Variants in MRTFA observed in about 807,000 individuals in gnomAD.
The protein encoded by MRTFA is myocardin-related transcription factor A.
MRTFA carries 20 observed loss-of-function variants against 83.5 expected under a neutral mutation model. The ratio of observed to expected loss-of-function variants is 0.24; its 90% CI spans 0.17 to 0.35. The LOEUF is 0.35. Ranked by LOEUF, MRTFA falls within the 10% of genes least tolerant of loss-of-function variation. The probability of loss-of-function intolerance (pLI) is 1.00; values close to 1 mark genes in which losing one functional copy is unlikely to be tolerated. For synonymous variants in MRTFA, 659 were observed against 541.2 expected (o/e 1.22, Z -3.02); for missense variants, 1,200 against 1,224.7 (o/e 0.98, Z 0.30).
At chr22:40,617,739 GA>G (rs1247523040) in intron 1 of MRTFA, among the ~76,000 whole-genome samples, 2 of 125,546 alleles carry the variant, frequency 1.6e-5, no homozygotes, top group Non-Finnish European at 3.5e-5. Flanking sequence ...AAAAAAAAAA[GA>G]AAAAAAAAGA....
chr22:40,448,477 T>C (rs2053425503), intron 4 of MRTFA, among the ~76,000 whole-genome samples: 1 of 152,038 alleles, frequency 6.6e-6, no homozygotes, highest in African/African-American at 2.4e-5. Context: ...TGTCTCTAAA[T>C]AAAAAACCCC....
At chr22:40,470,514 A>G (rs1348709438) in intron 3 of MRTFA, among the ~76,000 whole-genome samples, 1 of 151,736 alleles carries the variant, frequency 6.6e-6, no homozygotes, top group African/African-American at 2.4e-5. Flanking sequence ...AAGATCTGAA[A>G]TACATGCGGT....
intron 2 of MRTFA, among the ~76,000 whole-genome samples, chr22:40,571,954 G>T (rs912192055): frequency 1.4e-5 from 2 of 146,748 alleles, no homozygotes; most frequent in Non-Finnish European, 3.0e-5. Flanking sequence ...AAAGAAGAGG[G>T]ACAATAAGCA....
In MRTFA at chr22:40,424,187, T is replaced by C; in HGVS notation, c.777+19A>G. 6.3e-7 allele frequency: 1 copy of C among 1,578,350 alleles called. No homozygotes were observed. The highest frequency in any genetic ancestry group is 8.6e-7 in the Non-Finnish European group (1 of 1,165,886). Reference sequence around the variant, plus strand: ...CTAGCACCTTGGAGCTGGGGAAGCATCTGGAAGCACACACTCACCTGGGTG... The same window carrying C: ...CTAGCACCTTGGAGCTGGGGAAGCACCTGGAAGCACACACTCACCTGGGTG... On this transcript the variant is annotated intron_variant, in intron 8 of 14. Transcript: ENST00000355630.
intron 3 of MRTFA, among the ~76,000 whole-genome samples, chr22:40,506,555 T>C (rs931829232): frequency 6.6e-6 from 1 of 152,226 alleles, no homozygotes; most frequent in Non-Finnish European, 1.5e-5. Flanking sequence ...CTCACTGGCA[T>C]TTGAAGGAGA....
chr22:40,413,694 C>A (rs1233569313), intron 14 of MRTFA, among the ~76,000 whole-genome samples: 1 of 152,050 alleles, frequency 6.6e-6, no homozygotes, highest in East Asian at 1.9e-4. Context: ...TTGCCTGCCT[C>A]AGCCTCCCAA....
At chr22:40,534,740 T>C (rs2055138497) in intron 3 of MRTFA, among the ~76,000 whole-genome samples, 1 of 152,238 alleles carries the variant, frequency 6.6e-6, no homozygotes. Flanking sequence ...CTGACTGAAT[T>C]TTTTAAAGTT....
rs570977991 is a variant in MRTFA at position 40,465,750 on chromosome 22, A to T, written c.242-2464T>A. On this transcript the variant is annotated intron_variant, in intron 3 of 14. Transcript: ENST00000355630. The stretch of plus-strand genomic sequence containing the variant: ...AATTTTTTAATTTTTTTTTTTGTAG[A>T]TACAGGGTTTCACCATGTTGCCCAG... Among the ~76,000 whole-genome samples, 19 of 151,616 alleles carry T rather than the reference A, an allele frequency of 1.3e-4. No individual in the cohort carries two copies. In the East Asian group the frequency reaches 3.3e-3, roughly 26 times the overall value.
At chr22:40,592,390 G>A (rs2056134178) in intron 2 of MRTFA, among the ~76,000 whole-genome samples, 1 of 150,742 alleles carries the variant, frequency 6.6e-6, no homozygotes, top group Non-Finnish European at 1.5e-5. Context: ...CAAGGCTACA[G>A]TGAACTGTAA....
intron 2 of MRTFA, chr22:40,586,723 C>T (rs1395550807): frequency 3.6e-6 from 1 of 277,118 alleles, no homozygotes; most frequent in African/African-American, 2.3e-5. Context: ...TTCGTTTCCT[C>T]TGTGGTAGGT....
intron 3 of MRTFA, among the ~76,000 whole-genome samples, chr22:40,548,837 C>T (rs1405742983): frequency 6.6e-6 from 1 of 151,696 alleles, no homozygotes; most frequent in African/African-American, 2.4e-5. Context: ...GCACTCCAGC[C>T]TGGCAACAGA....
chr22:40,490,340 C>T (rs2054251284), intron 3 of MRTFA, among the ~76,000 whole-genome samples: 1 of 152,202 alleles, frequency 6.6e-6, no homozygotes, highest in Non-Finnish European at 1.5e-5. Context: ...ATGGCTCACG[C>T]CTGTAATCCT....
At chr22:40,478,824 A>G (rs1476670378) in intron 3 of MRTFA, among the ~76,000 whole-genome samples, 2 of 152,158 alleles carry the variant, frequency 1.3e-5, no homozygotes, top group African/African-American at 4.8e-5. Context: ...CGAACCACAC[A>G]TGGACACACC....
intron 3 of MRTFA, among the ~76,000 whole-genome samples, chr22:40,514,432 G>C (rs116486593): frequency 2.0e-5 from 3 of 151,522 alleles, no homozygotes; most frequent in Admixed American, 6.6e-5. Flanking sequence ...TGGTGGGGAG[G>C]GGGGAGTTAC....
intron 4 of MRTFA, among the ~76,000 whole-genome samples, chr22:40,450,093 T>G (rs1054575479): frequency 1.3e-5 from 2 of 152,176 alleles, no homozygotes; most frequent in Admixed American, 6.5e-5. Flanking sequence ...TTAGATAGGA[T>G]TTTTCTTAGG....
chr22:40,571,024 T>TA (rs1323394538), intron 2 of MRTFA, among the ~76,000 whole-genome samples: 1 of 11,528 alleles, frequency 8.7e-5, no homozygotes, highest in Non-Finnish European at 1.8e-4. Flanking sequence ...TCCCTGTCTC[T>TA]ACAAAAAAAA....
intron 1 of MRTFA, among the ~76,000 whole-genome samples, chr22:40,630,041 G>A (rs1052084991): frequency 2.0e-5 from 3 of 151,928 alleles, no homozygotes; most frequent in African/African-American, 7.3e-5. Flanking sequence ...GGCCAAGCAC[G>A]GTGGCTCATG....
At chr22:40,498,974 T>C (rs1393826374) in intron 3 of MRTFA, among the ~76,000 whole-genome samples, 1 of 152,194 alleles carries the variant, frequency 6.6e-6, no homozygotes, top group Non-Finnish European at 1.5e-5. Context: ...GTGTTGGGTA[T>C]ACAGAATGTT....
At chr22:40,424,005 C>T (rs2052899185) in intron 8 of MRTFA, among the ~76,000 whole-genome samples, 1 of 152,222 alleles carries the variant, frequency 6.6e-6, no homozygotes, top group Admixed American at 6.5e-5. Flanking sequence ...TCCACCTGAC[C>T]TCTGGCTGCT....
Sources: allele counts gnomAD v4.1 joint callset (sites outside exome capture counted in the v4.1 genomes callset), GRCh38; gene constraint gnomAD v4.1.1; transcripts MANE v1.5; gene names NCBI Gene and HGNC (gene_info 2026-07-23, HGNC 2026-07-21).